Variants in CLNS1A observed in about 807,000 individuals in gnomAD.
CLNS1A encodes methylosome subunit pICln.
Under a neutral mutation model 29.4 loss-of-function variants are expected in CLNS1A, and 16 were observed. The observed-to-expected ratio is 0.54, with a 90% CI of 0.37 to 0.83. CLNS1A has a LOEUF of 0.83. Ranked by LOEUF, CLNS1A falls within the 40% of genes least tolerant of loss-of-function variation. The pLI is 0.00. For missense variants in CLNS1A, 235 were observed against 287.4 expected, an observed-to-expected ratio of 0.82 and a Z score of 1.32; for synonymous variants, 96 against 104.8, an observed-to-expected ratio of 0.92 and a Z score of 0.51.
At chr11:77,636,529 GTTC>G (rs1467996997) in intron 1 of CLNS1A, among the ~76,000 whole-genome samples, 1 of 152,112 alleles carries the variant, frequency 6.6e-6, no homozygotes, top group Non-Finnish European at 1.5e-5. Context: ...TAAAGCAGAG[GTTC>G]TTTACAGTTT....
intron 6 of CLNS1A, among the ~76,000 whole-genome samples, chr11:77,618,973 C>T (rs1233573130): frequency 1.3e-5 from 2 of 152,130 alleles, no homozygotes; most frequent in East Asian, 1.9e-4. Context: ...GGAGGATAGC[C>T]AGTATTCAAG....
At chr11:77,625,635 G>A (rs1042522144) in intron 3 of CLNS1A, 82 bp downstream of exon 3, 2 of 1,154,916 alleles carry the variant, frequency 1.7e-6, no homozygotes, top group Admixed American at 5.0e-5. Context: ...TGAGAGGTGT[G>A]TGTGTGTGTG....
chr11:77,617,941 GA>G (rs1175156592), intron 6 of CLNS1A, among the ~76,000 whole-genome samples: 5 of 150,004 alleles, frequency 3.3e-5, no homozygotes, highest in Middle Eastern at 3.5e-3. Context: ...AAAAAGAAAA[GA>G]AAAAAAACCG....
chr11:77,617,761 T>C (rs557989460), intron 6 of CLNS1A, among the ~76,000 whole-genome samples: 2 of 150,392 alleles, frequency 1.3e-5, no homozygotes, highest in South Asian at 4.2e-4. Context: ...CTACTAAAAA[T>C]ACAAAAATTA....
At chr11:77,631,942 C>T (rs1192991718) in intron 1 of CLNS1A, among the ~76,000 whole-genome samples, 4 of 152,012 alleles carry the variant, frequency 2.6e-5, no homozygotes, top group South Asian at 4.2e-4. Flanking sequence ...TTTGCCATGA[C>T]GGCCAGGCTG....
At chr11:77,631,231 A>G (rs921532314) in intron 1 of CLNS1A, among the ~76,000 whole-genome samples, 7 of 152,194 alleles carry the variant, frequency 4.6e-5, no homozygotes, top group Admixed American at 4.6e-4. Context: ...ACCCTCAGTT[A>G]CCGAAAGCAT....
At position 77,629,750 on chromosome 11, in the gene CLNS1A, A is replaced by T; in HGVS notation, c.262+13T>A. ...ATCAAAGGAGGCATTAGATTAAATT[A>T]CACCATACATACCTTCAAATTTGGC... On this transcript the variant is annotated intron_variant, in intron 2 of 6. Coordinates refer to ENST00000525428, the MANE Select transcript of CLNS1A (RefSeq NM_001293.3). 1 of 1,610,220 alleles carries T rather than the reference A, an allele frequency of 6.2e-7. No individual in the cohort carries two copies. The highest frequency in any genetic ancestry group is 1.1e-5 in the South Asian group (1 of 90,616).
In CLNS1A at chr11:77,636,851, C is replaced by T. The variant is rs114865197; in HGVS notation, c.125+739G>A. Among the ~76,000 whole-genome samples, 595 of 152,234 alleles carry T rather than the reference C, an allele frequency of 3.9e-3. 3 individuals are homozygous for T. Among genetic ancestry groups the T allele is most frequent in the African/African-American group, 0.013 (558 of 41,524 alleles). On this transcript the variant is annotated intron_variant, in intron 1 of 6. Transcript: ENST00000525428. Reference sequence around the variant, plus strand: ...ATTACAGGCTTCAAAATAAAGAAAACTGCATGTCAAGGAAACAGGGACCTC... The same window carrying T: ...ATTACAGGCTTCAAAATAAAGAAAATTGCATGTCAAGGAAACAGGGACCTC...
At chr11:77,625,304 C>G in intron 3 of CLNS1A, 2 of 524,766 alleles carry the variant, frequency 3.8e-6, no homozygotes, top group East Asian at 6.6e-5. Context: ...AAAAAAGGGT[C>G]AGAGTCCTGG....
At chr11:77,632,908 G>A (rs572680216) in intron 1 of CLNS1A, among the ~76,000 whole-genome samples, 6 of 151,828 alleles carry the variant, frequency 4.0e-5, no homozygotes, top group South Asian at 2.1e-4. Context: ...CCAACATGGC[G>A]AAACCCTGTC....
intron 2 of CLNS1A, among the ~76,000 whole-genome samples, chr11:77,628,854 C>G (rs1010345276): frequency 6.6e-6 from 1 of 152,190 alleles, no homozygotes; most frequent in Non-Finnish European, 1.5e-5. Flanking sequence ...GTTTCTCAAC[C>G]TTGGCACTAC....
At chr11:77,625,596 C>G (rs915263944) in intron 3 of CLNS1A, 121 bp downstream of exon 3, 3 of 780,940 alleles carry the variant, frequency 3.8e-6, no homozygotes, top group Non-Finnish European at 5.9e-6. Flanking sequence ...AAAGAAAAAG[C>G]AATAGAATGG....
intron 5 of CLNS1A, 62 bp from the exon 6 acceptor site, chr11:77,619,757 T>C: frequency 8.8e-7 from 1 of 1,137,878 alleles, no homozygotes; most frequent in Non-Finnish European, 1.3e-6. Flanking sequence ...TAGATTCAAC[T>C]TATAACTTCT....
intron 6 of CLNS1A, among the ~76,000 whole-genome samples, chr11:77,617,784 G>T (rs1465486347): frequency 6.6e-6 from 1 of 151,902 alleles, no homozygotes. Flanking sequence ...CAGGCGTGGT[G>T]GCGCGCGTCT....
In CLNS1A at chr11:77,625,007, T is replaced by C. The variant is rs1368196862; in HGVS notation, c.428A>G (p.Asp143Gly). 1.2e-6 allele frequency: 2 copies of C among 1,613,892 alleles called. No homozygotes were observed. The highest frequency in any genetic ancestry group is 1.7e-6 in the Non-Finnish European group (2 of 1,179,878). The part of the protein sequence containing the change: ...QALHPDPEDE[D>G]SDDYDGEEYD... ...TTCTTCTCCATCGTAGTCATCTGAA[T>C]CCTCATCCTCAGGATCTGGATGCAA... Residue 143 changes from aspartate (D) to glycine (G), a missense_variant, in exon 4 of 7, where the codon GAT becomes GGT. Asp to Gly is a moderately conservative substitution (Grantham distance 94, BLOSUM62 -1). Coordinates refer to ENST00000525428, the MANE Select transcript of CLNS1A (RefSeq NM_001293.3).
chr11:77,619,518 T>C (rs769749998), intron 6 of CLNS1A, 88 bp downstream of exon 6: 25 of 880,766 alleles, frequency 2.8e-5, no homozygotes, highest in Admixed American at 2.0e-4. Flanking sequence ...AGTAAGACCC[T>C]GTCTCAAGAA....
chr11:77,635,946 G>A (rs551421872), intron 1 of CLNS1A, among the ~76,000 whole-genome samples: 3 of 152,200 alleles, frequency 2.0e-5, no homozygotes, highest in African/African-American at 7.2e-5. Context: ...TATCCCTAGG[G>A]TTCTACACTT....
chr11:77,634,382 G>C (rs1959102783), intron 1 of CLNS1A, among the ~76,000 whole-genome samples: 1 of 152,158 alleles, frequency 6.6e-6, no homozygotes, highest in African/African-American at 2.4e-5. Flanking sequence ...TATGTACACA[G>C]TATGTGTGTG....
chr11:77,623,032 T>C (rs1958979383), intron 4 of CLNS1A, among the ~76,000 whole-genome samples: 1 of 151,824 alleles, frequency 6.6e-6, no homozygotes, highest in South Asian at 2.1e-4. Flanking sequence ...AACATTTATT[T>C]ATACACACAT....
Sources: allele counts gnomAD v4.1 joint callset (sites outside exome capture counted in the v4.1 genomes callset), GRCh38; gene constraint gnomAD v4.1.1; transcripts MANE v1.5; gene names NCBI Gene and HGNC (gene_info 2026-07-23, HGNC 2026-07-21).